Variants in MICU1 observed in about 807,000 individuals in gnomAD.
MICU1 encodes calcium uptake protein 1, mitochondrial.
A neutral mutation model predicts 56.8 loss-of-function variants in MICU1; 45 were observed. That is an observed-to-expected ratio of 0.79 (90% CI 0.62 to 1.02). The LOEUF (loss-of-function observed/expected upper bound fraction) is 1.02, where lower values mean the gene tolerates loss of function less well. MICU1 is among the 50% of genes least tolerant of loss of function. MICU1 has a pLI of 0.00. For synonymous variants in MICU1, 186 were observed against 195.1 expected, an observed-to-expected ratio of 0.95 and a Z score of 0.39; for missense variants, 504 against 587.1, an observed-to-expected ratio of 0.86 and a Z score of 1.46.
At chr10:72,451,178 C>T (rs1422633908) in intron 8 of MICU1, among the ~76,000 whole-genome samples, 4 of 151,506 alleles carry the variant, frequency 2.6e-5, no homozygotes, top group Non-Finnish European at 5.9e-5. Context: ...GCATGTGCCA[C>T]CATGCCCAGC....
intron 4 of MICU1, among the ~76,000 whole-genome samples, chr10:72,535,175 G>A (rs1057309704): frequency 1.3e-4 from 19 of 151,456 alleles, no homozygotes; most frequent in African/African-American, 4.4e-4. Flanking sequence ...GATTACAGGT[G>A]TGTGCCACGA....
chr10:72,434,373 G>A (rs1864641786), intron 8 of MICU1, among the ~76,000 whole-genome samples: 1 of 152,058 alleles, frequency 6.6e-6, no homozygotes, highest in South Asian at 2.1e-4. Flanking sequence ...AACTCTGGCA[G>A]AATTAACTGC....
Position 72,467,893 on chromosome 10 carries a change from T to C in MICU1, c.933+7207A>G, listed in dbSNP as rs981410959. The C allele has an allele frequency of 2.6e-5, 4 of 151,246 alleles. No individual in the cohort carries two copies. The Admixed American group carries it at 2.7e-4, about 10-fold the overall frequency. 9.4% of individuals were successfully genotyped at this position (151,246 alleles called of 1,614,324 possible). ...GCAATGGCATGAGACTGGAGTGCAA[T>C]GGCATGATCTCGGCTCACTGCAACC... is the stretch of plus-strand genomic sequence containing the variant. On this transcript the variant is annotated intron_variant, in intron 8 of 11. Transcript: ENST00000361114.
intron 6 of MICU1, among the ~76,000 whole-genome samples, chr10:72,487,354 G>T (rs1866508296): frequency 6.6e-6 from 1 of 152,110 alleles, no homozygotes; most frequent in Admixed American, 6.5e-5. Flanking sequence ...GTTGCAACCA[G>T]ATCAGCTACA....
chr10:72,407,791 A>C, intron 10 of MICU1, 138 bp downstream of exon 10: 2 of 599,722 alleles, frequency 3.3e-6, no homozygotes, highest in Non-Finnish European at 5.8e-6. Flanking sequence ...CAAGGCTCAT[A>C]CAATGTCAAC....
intron 4 of MICU1, among the ~76,000 whole-genome samples, chr10:72,548,077 A>G (rs968939661): frequency 1.3e-5 from 2 of 152,218 alleles, no homozygotes; most frequent in Admixed American, 1.3e-4. Context: ...ATGGTTGAGT[A>G]TGTTCCTACA....
At chr10:72,374,879 C>T (rs1445948318) in intron 11 of MICU1, among the ~76,000 whole-genome samples, 2 of 135,934 alleles carry the variant, frequency 1.5e-5, no homozygotes, top group African/African-American at 5.7e-5. Context: ...TGTTGTGGCA[C>T]GATCTCTGCT....
At position 72,533,729 on chromosome 10, in the gene MICU1, T is replaced by G; in HGVS notation, c.537+17A>C. On this transcript the variant is annotated intron_variant, in intron 5 of 11. Transcript: ENST00000361114. ...AAATGATAGGATATATGTATAGAAGTGTCATAGTTTGCTCACCTTTCCATC... is the reference window on the plus strand; with the variant it reads ...AAATGATAGGATATATGTATAGAAGGGTCATAGTTTGCTCACCTTTCCATC... 1 of 1,575,476 alleles carries G rather than the reference T, an allele frequency of 6.3e-7. No individual in the cohort carries two copies. Among genetic ancestry groups the G allele is most frequent in the South Asian group, 1.1e-5 (1 of 87,912 alleles).
Position 72,447,571 on chromosome 10 carries a change from C to A in MICU1, c.934-24200G>T, listed in dbSNP as rs11000302. Among the ~76,000 whole-genome samples the A allele has an allele frequency of 3.0e-3, 458 of 151,816 alleles. 4 individuals are homozygous for A. The highest frequency in any genetic ancestry group is 0.01 in the African/African-American group (428 of 41,410). ...ATATGTTAAACTGCTAGTTTATAAC[C>A]AGGAGGCAATGCTGTTAAAAATAGT... On this transcript the variant is annotated intron_variant, in intron 8 of 11. Coordinates refer to ENST00000361114, the MANE Select transcript of MICU1 (RefSeq NM_001195518.2).
intron 6 of MICU1, chr10:72,501,765 G>C (rs1867075393): frequency 6.6e-6 from 1 of 152,106 alleles, no homozygotes; most frequent in Non-Finnish European, 1.5e-5. Context: ...AGAAGAGTAA[G>C]AAATTCATGC....
chr10:72,492,007 T>C (rs897097551), intron 6 of MICU1, among the ~76,000 whole-genome samples: 2 of 152,186 alleles, frequency 1.3e-5, no homozygotes, highest in East Asian at 1.9e-4. Flanking sequence ...CTAACTAGTA[T>C]TGTGAATTAG....
At chr10:72,447,135 C>A (rs916738086) in intron 8 of MICU1, among the ~76,000 whole-genome samples, 52 of 152,202 alleles carry the variant, frequency 3.4e-4, no homozygotes, top group African/African-American at 1.2e-3. Context: ...CCCGTAAAAA[C>A]CAGATTTCTG....
chr10:72,495,233 T>TAA (rs34238664), intron 6 of MICU1, among the ~76,000 whole-genome samples: 4 of 145,470 alleles, frequency 2.7e-5, no homozygotes, highest in Admixed American at 6.8e-5. Context: ...TTCAGAGATC[T>TAA]AAAAAAAAAA....
intron 1 of MICU1, among the ~76,000 whole-genome samples, chr10:72,568,928 T>G (rs949353404): frequency 6.6e-6 from 1 of 150,378 alleles, no homozygotes. Context: ...TAATTTTTGT[T>G]TTTTTAGTAG....
intron 5 of MICU1, among the ~76,000 whole-genome samples, chr10:72,516,258 A>G (rs1486384443): frequency 2.6e-5 from 4 of 152,120 alleles, no homozygotes; most frequent in Non-Finnish European, 4.4e-5. Flanking sequence ...GTCTGTTCAT[A>G]TCGTTCATCT....
chr10:72,464,369 CA>C (rs1865728301), intron 8 of MICU1, among the ~76,000 whole-genome samples: 1 of 150,926 alleles, frequency 6.6e-6, no homozygotes, highest in African/African-American at 2.4e-5. Context: ...CTCGCACGCG[CA>C]CACACGTATA....
chr10:72,446,171 G>A (rs974363284), intron 8 of MICU1, among the ~76,000 whole-genome samples: 1 of 152,014 alleles, frequency 6.6e-6, no homozygotes, highest in African/African-American at 2.4e-5. Context: ...GGACAATATT[G>A]TATGGAAAAA....
intron 1 of MICU1, among the ~76,000 whole-genome samples, chr10:72,599,504 T>C (rs1421489565): frequency 1.3e-5 from 2 of 152,094 alleles, no homozygotes; most frequent in East Asian, 3.8e-4. Context: ...TACACACCCC[T>C]TAGAGTCACT....
At chr10:72,421,973 T>A (rs1472749323) in intron 9 of MICU1, among the ~76,000 whole-genome samples, 4 of 152,212 alleles carry the variant, frequency 2.6e-5, no homozygotes, top group East Asian at 1.9e-4. Context: ...CTATACAAAC[T>A]AGTCCCTTTT....
Sources: allele counts gnomAD v4.1 joint callset (sites outside exome capture counted in the v4.1 genomes callset), GRCh38; gene constraint gnomAD v4.1.1; transcripts MANE v1.5; gene names NCBI Gene and HGNC (gene_info 2026-07-23, HGNC 2026-07-21).